Variants in LPCAT1 observed in about 807,000 individuals in gnomAD.
LPCAT1 encodes lysophosphatidylcholine acyltransferase 1, also known as 1-acylglycerol-3-phosphate O-acyltransferase.
Under a neutral mutation model 60.9 loss-of-function variants are expected in LPCAT1, and 23 were observed. That is an observed-to-expected ratio of 0.38 (90% confidence interval 0.27 to 0.53). The LOEUF (loss-of-function observed/expected upper bound fraction) is 0.53. LPCAT1 is among the 20% of genes least tolerant of loss of function. The pLI, the probability that LPCAT1 is intolerant of heterozygous loss-of-function variation, is 0.82. For synonymous variants in LPCAT1, 340 were observed against 301.1 expected (o/e 1.13, Z -1.34); for missense variants, 622 against 723.6 (o/e 0.86, Z 1.61).
chr5:1,515,094 C>T (rs2126619196), intron 1 of LPCAT1, among the ~76,000 whole-genome samples: 1 of 152,152 alleles, frequency 6.6e-6, no homozygotes, highest in Admixed American at 6.5e-5. Flanking sequence ...ATCAGGGGAT[C>T]CTGCTACAAG....
At position 1,483,908 on chromosome 5, in the gene LPCAT1, G is replaced by A. The variant is rs983941008; in HGVS notation, c.668-422C>T. On this transcript the variant is annotated intron_variant, in intron 5 of 13. Coordinates refer to ENST00000283415, the MANE Select transcript of LPCAT1 (RefSeq NM_024830.5). This position sits in a 1 kb window ranked among gnomAD's most constrained non-coding sequence, Gnocchi z 9.2. ...ATTGCGCACGAGCTGGAAGACATCCGTGGAGGGACACTTTCTGCTGTAACA... is the reference window on the plus strand; with the variant it reads ...ATTGCGCACGAGCTGGAAGACATCCATGGAGGGACACTTTCTGCTGTAACA... Among the ~76,000 whole-genome samples, 5 of 151,828 alleles carry A rather than the reference G, an allele frequency of 3.3e-5. No homozygotes were observed. The highest frequency in any genetic ancestry group is 6.6e-5 in the Admixed American group (1 of 15,240).
At chr5:1,489,676 C>T in intron 4 of LPCAT1, 70 bp downstream of exon 4, 1 of 1,152,180 alleles carries the variant, frequency 8.7e-7, no homozygotes, top group Non-Finnish European at 1.3e-6. Flanking sequence ...CAGTTTCTTT[C>T]TCCCCACTCG....
Position 1,523,341 on chromosome 5 carries a change from C to A in LPCAT1, c.135+369G>T, listed in dbSNP as rs1176490451. Among the ~76,000 whole-genome samples, 1 of 151,830 alleles carries A rather than the reference C, an allele frequency of 6.6e-6. No homozygotes were observed. The highest frequency in any genetic ancestry group is 6.6e-5 in the Admixed American group (1 of 15,258). On this transcript the variant is annotated intron_variant, in intron 1 of 13. Coordinates refer to ENST00000283415, the MANE Select transcript of LPCAT1 (RefSeq NM_024830.5). The surrounding 1 kb of genome is among the most constrained non-coding windows in gnomAD (Gnocchi z 7.1). ...GCGGGGACCGGCGATGCGGGTCCAG[C>A]CTCCCGCGGGAGCCGAGGTCGGGGC...
At chr5:1,508,233 G>A (rs12153809) in intron 1 of LPCAT1, among the ~76,000 whole-genome samples, 27,985 of 152,196 alleles carry the variant, frequency 0.18, 3,114 homozygotes, top group East Asian at 0.33. Flanking sequence ...GCCACACACC[G>A]TCATTCTCCG....
intron 3 of LPCAT1, among the ~76,000 whole-genome samples, chr5:1,493,705 G>T (rs932526956): frequency 6.6e-6 from 1 of 152,230 alleles, no homozygotes; most frequent in Admixed American, 6.5e-5. Flanking sequence ...GGTCAGGGCT[G>T]CGCACAGGTG....
chr5:1,501,337 G>T, intron 2 of LPCAT1, 124 bp downstream of exon 2: 1 of 1,346,478 alleles, frequency 7.4e-7, no homozygotes, highest in Non-Finnish European at 1.0e-6. Context: ...GTGGACGCTG[G>T]GCTCAGAAGG....
intron 5 of LPCAT1, among the ~76,000 whole-genome samples, chr5:1,486,199 G>C (rs1250564439): frequency 6.6e-6 from 1 of 152,188 alleles, no homozygotes; most frequent in Non-Finnish European, 1.5e-5. Flanking sequence ...GCAGAGCCCT[G>C]AGGGTCCCAG....
intron 1 of LPCAT1, among the ~76,000 whole-genome samples, chr5:1,520,134 A>C (rs1431716180): frequency 6.6e-6 from 1 of 152,250 alleles, no homozygotes; most frequent in Admixed American, 6.5e-5. Context: ...AAGGGTCAAG[A>C]ACACACTGCA....
In LPCAT1 at chr5:1,494,769, T is replaced by C; in HGVS notation, c.424A>G (p.Ile142Val). Residue 142 changes from isoleucine to valine, a missense_variant, in exon 3 of 14, where the codon ATC (isoleucine) becomes GTC (valine). Transcript: ENST00000283415. ...GAGGACATCGTCATGGTCACAGGGA[T>C]GGCGTCGAAGTAGGACGAGTGAGGC... The part of the protein sequence containing the change: ...LAPHSSYFDA[I>V]PVTMTMSSIV... 2 of 1,614,176 alleles carry C rather than the reference T, an allele frequency of 1.2e-6. No homozygotes were observed. The highest frequency in any genetic ancestry group is 4.5e-5 in the East Asian group (2 of 44,878).
intron 1 of LPCAT1, among the ~76,000 whole-genome samples, chr5:1,514,893 G>A (rs1344754754): frequency 6.6e-6 from 1 of 152,206 alleles, no homozygotes; most frequent in Non-Finnish European, 1.5e-5. Flanking sequence ...CGGAGCTGTG[G>A]CCCAGGGAAA....
At chr5:1,485,943 T>C (rs1735356336) in intron 5 of LPCAT1, among the ~76,000 whole-genome samples, 1 of 152,210 alleles carries the variant, frequency 6.6e-6, no homozygotes. Context: ...GGGCTGTCAG[T>C]GCCATCGCTG....
intron 1 of LPCAT1, among the ~76,000 whole-genome samples, chr5:1,508,449 T>C (rs1736252339): frequency 6.6e-6 from 1 of 152,034 alleles, no homozygotes; most frequent in African/African-American, 2.4e-5. Context: ...CTGGTGTCCT[T>C]ATAAGAAGAG....
At chr5:1,501,425 C>T (rs778134871) in intron 2 of LPCAT1, 36 bp downstream of exon 2, 6 of 1,579,124 alleles carry the variant, frequency 3.8e-6, no homozygotes, top group African/African-American at 1.3e-5. Flanking sequence ...GCGTGACCCC[C>T]CCCCAGGAGG....
At chr5:1,482,671 G>A (rs1735204854) in intron 6 of LPCAT1, among the ~76,000 whole-genome samples, 1 of 104,650 alleles carries the variant, frequency 9.6e-6, no homozygotes, top group Non-Finnish European at 2.1e-5. Flanking sequence ...GGGATGGGGG[G>A]AGTAGGGTGG....
chr5:1,515,352 C>A (rs536131265), intron 1 of LPCAT1, among the ~76,000 whole-genome samples: 1 of 152,112 alleles, frequency 6.6e-6, no homozygotes, highest in Non-Finnish European at 1.5e-5. Context: ...TACAGGGAGC[C>A]CCCCAGCACA....
intron 1 of LPCAT1, among the ~76,000 whole-genome samples, chr5:1,511,429 CCTCG>C (rs1480709601): frequency 1.3e-5 from 2 of 152,010 alleles, no homozygotes; most frequent in African/African-American, 4.8e-5. Flanking sequence ...CACCTGCTCA[CCTCG>C]CTCACCCTAC....
rs2126453118 is a variant in LPCAT1 at position 1,463,501 on chromosome 5, T to C, written c.*150A>G. The C allele has an allele frequency of 5.1e-6, 4 of 782,464 alleles. No individual in the cohort carries two copies. The highest frequency in any genetic ancestry group is 3.7e-5 in the South Asian group (2 of 54,472). The allele number at this position is 782,464 out of a possible 1,614,324, so 48.5% of individuals were successfully genotyped here. On this transcript the variant is annotated 3_prime_UTR_variant, in exon 14 of 14. Transcript: ENST00000283415. ...CAACACACTTCACAAAGGAACAAGA[T>C]ACAAACAGCCCCCGAGGCCCCTGGA...
rs193205792 is a variant in LPCAT1, at chr5:1,485,567, G to C, written c.668-2081C>G. On this transcript the variant is annotated intron_variant, in intron 5 of 13. Transcript: ENST00000283415. The stretch of plus-strand genomic sequence containing the variant: ...AGTTGCAACAATGAGGCTGGAAGAT[G>C]GCTCAACAGGGACCCCTGAGGCCCC... 3.3e-5 allele frequency among the ~76,000 whole-genome samples: 5 copies of C among 152,272 alleles called. No individual in the cohort carries two copies. In the East Asian group the frequency reaches 9.6e-4, roughly 29 times the overall value.
In LPCAT1 at chr5:1,494,879, G is replaced by T. The variant is rs1337780098; in HGVS notation, c.314C>A (p.Thr105Asn). 5 of 1,612,872 alleles carry T rather than the reference G, an allele frequency of 3.1e-6. No individual in the cohort carries two copies. The highest frequency in any genetic ancestry group is 4.5e-5 in the East Asian group (2 of 44,852). The change falls in exon 3 of 14, where the codon ACC (threonine) becomes AAC (asparagine). Residue 105 changes from threonine to asparagine, a missense_variant. Physicochemically the swap from Thr to Asn is moderately conservative, Grantham distance 65. This residue lies in a region of LPCAT1 where 209 missense variants were observed against 325.5 expected (regional missense o/e 0.64). Transcript: ENST00000283415. ...VDFLLKAIMR[T>N]MWFAGGFHRV... is the part of the protein sequence containing the mutation. ...GTGGAAGCCGCCGGCGAACCACATG[G>T]TGCGCATGATGGCCTTCAGCAGGAA... is the stretch of plus-strand genomic sequence containing the variant.
Sources: allele counts gnomAD v4.1 joint callset (sites outside exome capture counted in the v4.1 genomes callset), GRCh38; gene constraint gnomAD v4.1.1; regional missense constraint gnomAD v4.1.1; non-coding constraint Gnocchi (gnomAD v3.1); transcripts MANE v1.5; gene names NCBI Gene and HGNC (gene_info 2026-07-23, HGNC 2026-07-21).